The following TENM2 variants were observed in gnomAD, a reference collection of about 807,000 sequenced individuals.
TENM2 encodes the protein teneurin-2.
A neutral mutation model predicts 245.2 loss-of-function variants in TENM2; 52 were observed. The observed-to-expected ratio is 0.21, with a 90% CI of 0.17 to 0.27. The LOEUF (loss-of-function observed/expected upper bound fraction) is 0.27. Among genes scored for constraint, TENM2 ranks in the 10% least tolerant of loss-of-function variants. The probability of loss-of-function intolerance (pLI) is 1.00; values close to 1 mark genes in which losing one functional copy is unlikely to be tolerated. For synonymous variants in TENM2, 1,363 were observed against 1,438.9 expected (o/e 0.95, Z 1.19); for missense variants, 3,046 against 3,666.8 (o/e 0.83, Z 4.37).
At chr5:167,345,434 G>T (rs1019991930) in intron 1 of TENM2, among the ~76,000 whole-genome samples, 1 of 152,162 alleles carries the variant, frequency 6.6e-6, no homozygotes, top group African/African-American at 2.4e-5. Context: ...CGTTGAATCT[G>T]GGGAACATGA....
intron 4 of TENM2, among the ~76,000 whole-genome samples, chr5:167,964,935 T>C (rs1386112877): frequency 2.0e-5 from 3 of 152,222 alleles, no homozygotes; most frequent in Non-Finnish European, 2.9e-5. Flanking sequence ...TACACTCTGC[T>C]TTTTGCTTTT....
chr5:167,423,638 C>T (rs148507639), intron 2 of TENM2, among the ~76,000 whole-genome samples: 17 of 152,278 alleles, frequency 1.1e-4, no homozygotes, highest in Non-Finnish European at 1.9e-4. Flanking sequence ...CTCTTCTTTG[C>T]CACTGAAGCA....
chr5:167,005,348 G>A, the TENM2 span, among the ~76,000 whole-genome samples: 2 of 152,278 alleles, frequency 1.3e-5, no homozygotes, highest in South Asian at 2.1e-4. Flanking sequence ...TCAGACAAGG[G>A]AGTGCCACTT....
At chr5:167,494,938 C>G (rs149073369) in intron 2 of TENM2, among the ~76,000 whole-genome samples, 2 of 152,098 alleles carry the variant, frequency 1.3e-5, no homozygotes, top group East Asian at 3.9e-4. Flanking sequence ...TATACGGCCT[C>G]TAAAATTTAT....
chr5:167,658,358 G>T (rs960361361), intron 2 of TENM2, among the ~76,000 whole-genome samples: 1 of 151,904 alleles, frequency 6.6e-6, no homozygotes, highest in Non-Finnish European at 1.5e-5. Context: ...ACAGGCATGT[G>T]CCACCGTGCC....
intron 2 of TENM2, among the ~76,000 whole-genome samples, chr5:167,459,109 G>A (rs1766122084): frequency 6.6e-6 from 1 of 152,110 alleles, no homozygotes; most frequent in African/African-American, 2.4e-5. Flanking sequence ...TTTCCATCTT[G>A]AAAAACAAGC....
chr5:167,677,755 T>C (rs1756431745), intron 2 of TENM2, among the ~76,000 whole-genome samples: 1 of 149,326 alleles, frequency 6.7e-6, no homozygotes, highest in African/African-American at 2.4e-5. Context: ...TATTTATATA[T>C]GATAATTACA....
intron 9 of TENM2, among the ~76,000 whole-genome samples, chr5:168,116,360 C>T (rs1329577094): frequency 6.6e-6 from 1 of 152,140 alleles, no homozygotes; most frequent in Non-Finnish European, 1.5e-5. Flanking sequence ...TATTATAAAG[C>T]ATTTTGAGGG....
At chr5:167,624,299 T>TAAGTG (rs1489760512) in intron 2 of TENM2, among the ~76,000 whole-genome samples, 2 of 152,196 alleles carry the variant, frequency 1.3e-5, no homozygotes, top group African/African-American at 4.8e-5. Context: ...ATCATTATTC[T>TAAGTG]AAGTGAACTA....
the TENM2 span, among the ~76,000 whole-genome samples, chr5:167,130,946 A>T: frequency 7.6e-6 from 1 of 131,752 alleles, no homozygotes; most frequent in South Asian, 2.3e-4. Flanking sequence ...TTCTGGTGGA[A>T]TAGGTTAGCC....
the TENM2 span, among the ~76,000 whole-genome samples, chr5:167,076,553 C>A: frequency 2.6e-5 from 4 of 152,118 alleles, no homozygotes; most frequent in Non-Finnish European, 5.9e-5. Context: ...GGATTTAACT[C>A]CCTATCAGTA....
intron 4 of TENM2, among the ~76,000 whole-genome samples, chr5:167,977,648 A>T (rs1243738698): frequency 6.6e-6 from 1 of 152,156 alleles, no homozygotes. Flanking sequence ...TTGTTTTGTA[A>T]TTCATTAACA....
chr5:167,100,056 T>C, the TENM2 span, among the ~76,000 whole-genome samples: 1 of 152,210 alleles, frequency 6.6e-6, no homozygotes, highest in African/African-American at 2.4e-5. Flanking sequence ...CTTCCACCTG[T>C]AGACGAAAGG....
the TENM2 span, among the ~76,000 whole-genome samples, chr5:167,117,242 G>A: frequency 1.3e-5 from 2 of 152,180 alleles, no homozygotes; most frequent in East Asian, 3.9e-4. Context: ...CATGGCTCAC[G>A]CCTGTAATCC....
At chr5:168,081,255 C>T (rs1241497647) in intron 7 of TENM2, among the ~76,000 whole-genome samples, 2 of 152,026 alleles carry the variant, frequency 1.3e-5, no homozygotes, top group Non-Finnish European at 2.9e-5. Context: ...GATTGCAACC[C>T]CTGCTATTTT....
intron 2 of TENM2, among the ~76,000 whole-genome samples, chr5:167,581,251 A>G (rs1775073726): frequency 6.6e-6 from 1 of 152,190 alleles, no homozygotes; most frequent in Non-Finnish European, 1.5e-5. Flanking sequence ...AAGCAATAAA[A>G]CATATGCTAT....
chr5:167,821,271 A>G (rs1767502653), intron 2 of TENM2: 2 of 152,262 alleles, frequency 1.3e-5, no homozygotes, highest in African/African-American at 2.4e-5. Context: ...CCTCACAGAC[A>G]TGAAGCTTCA....
At position 167,839,179 on chromosome 5, in the gene TENM2, A is replaced by G. The variant is rs376458341; in HGVS notation, c.503-36807A>G. Among the ~76,000 whole-genome samples, 14 of 152,298 alleles carry G rather than the reference A, an allele frequency of 9.2e-5. No individual in the cohort carries two copies. The East Asian group carries it at 1.9e-3, about 21-fold the overall frequency. ...TTACTGGTTCCTCTGCTTCTCAATGACACCCACATTCCCAGTTGATTCTTA... is the reference window on the plus strand; with the variant it reads ...TTACTGGTTCCTCTGCTTCTCAATGGCACCCACATTCCCAGTTGATTCTTA... On this transcript the variant is annotated intron_variant, in intron 2 of 28. Coordinates refer to ENST00000518659, the Ensembl canonical transcript of TENM2.
intron 2 of TENM2, among the ~76,000 whole-genome samples, chr5:167,446,893 G>A (rs1404935247): frequency 1.3e-5 from 2 of 151,848 alleles, no homozygotes; most frequent in African/African-American, 4.8e-5. Context: ...GAAATGCTTG[G>A]AGCCGGAAGT....
Sources: gnomAD v4.1 joint callset for allele counts (sites outside exome capture counted in the v4.1 genomes callset) on GRCh38, gnomAD v4.1.1 for gene constraint, MANE v1.5 for transcripts, NCBI Gene and HGNC (gene_info 2026-07-23, HGNC 2026-07-21) for gene names.